PRKG1: variants seen among roughly 807,000 people sequenced by gnomAD.
PRKG1 encodes cGMP-dependent protein kinase 1.
A neutral mutation model predicts 88.1 loss-of-function variants in PRKG1; 35 were observed. The ratio of observed to expected loss-of-function variants is 0.40; its 90% CI spans 0.30 to 0.53. The LOEUF is 0.53. Ranked by LOEUF, PRKG1 falls within the 20% of genes least tolerant of loss-of-function variation. The probability of loss-of-function intolerance (pLI) is 0.59; values close to 1 mark genes in which losing one functional copy is unlikely to be tolerated. For synonymous variants in PRKG1, 303 were observed against 292.5 expected (o/e 1.04, Z -0.37); for missense variants, 540 against 839.8 (o/e 0.64, Z 4.41).
intron 8 of PRKG1, among the ~76,000 whole-genome samples, chr10:52,156,347 C>A (rs1018251197): frequency 4.6e-5 from 7 of 151,888 alleles, no homozygotes; most frequent in African/African-American, 1.7e-4. Context: ...TTACTTCTCA[C>A]GTTCGTATTA....
chr10:51,131,071 C>G (rs1845555214), intron 1 of PRKG1, among the ~76,000 whole-genome samples: 1 of 152,026 alleles, frequency 6.6e-6, no homozygotes, highest in South Asian at 2.1e-4. Context: ...ATAGTCAAAG[C>G]ATTTATTTCT....
intron 2 of PRKG1, among the ~76,000 whole-genome samples, chr10:51,207,724 C>T (rs566219985): frequency 1.2e-4 from 19 of 152,216 alleles, no homozygotes; most frequent in African/African-American, 4.6e-4. Context: ...AAGTGGAAGC[C>T]AATGGCAACT....
intron 3 of PRKG1, among the ~76,000 whole-genome samples, chr10:51,503,492 A>G (rs919736305): frequency 5.3e-5 from 8 of 152,170 alleles, no homozygotes; most frequent in Admixed American, 1.3e-4. Context: ...TCTTATTGCA[A>G]TGGAGCTGTA....
intron 3 of PRKG1, among the ~76,000 whole-genome samples, chr10:51,510,518 T>C (rs534086359): frequency 5.9e-4 from 90 of 152,286 alleles, no homozygotes; most frequent in African/African-American, 2.0e-3. Context: ...TTTTAAAGTA[T>C]AATTTTCTTG....
intron 3 of PRKG1, among the ~76,000 whole-genome samples, chr10:51,677,663 A>G (rs893107337): frequency 1.8e-4 from 28 of 152,336 alleles, no homozygotes; most frequent in African/African-American, 6.5e-4. Flanking sequence ...GCTTCTAGCT[A>G]TGATTAGAGT....
chr10:51,995,651 TA>T (rs1273349867), intron 5 of PRKG1, among the ~76,000 whole-genome samples: 1 of 152,178 alleles, frequency 6.6e-6, no homozygotes, highest in African/African-American at 2.4e-5. Context: ...TGCAGTGATG[TA>T]AAAACAGCAC....
At chr10:51,770,542 C>T (rs1485641786) in intron 3 of PRKG1, among the ~76,000 whole-genome samples, 1 of 152,186 alleles carries the variant, frequency 6.6e-6, no homozygotes, top group Non-Finnish European at 1.5e-5. Context: ...CTCTTAGGAA[C>T]CGGACTGCAC....
chr10:51,559,126 G>A (rs1048495375), intron 3 of PRKG1, among the ~76,000 whole-genome samples: 1 of 151,846 alleles, frequency 6.6e-6, no homozygotes, highest in Non-Finnish European at 1.5e-5. Flanking sequence ...TATATATATG[G>A]CTTGGTACTA....
chr10:51,410,270 A>ATG (rs71459418), intron 2 of PRKG1, among the ~76,000 whole-genome samples: 7,668 of 146,742 alleles, frequency 0.052, 465 homozygotes, highest in African/African-American at 0.14. Flanking sequence ...ATATATATAT[A>ATG]TGTGTGTGTG....
intron 2 of PRKG1, chr10:51,245,655 A>G (rs1242916552): frequency 6.6e-6 from 1 of 152,092 alleles, no homozygotes; most frequent in African/African-American, 2.4e-5. Context: ...TATAATCTTA[A>G]GCAGAATATA....
intron 6 of PRKG1, among the ~76,000 whole-genome samples, chr10:52,058,947 A>T (rs888440948): frequency 4.6e-5 from 7 of 151,872 alleles, no homozygotes; most frequent in African/African-American, 7.2e-5. Context: ...GATCCTATTT[A>T]AAAAAACACC....
At chr10:52,166,809 G>GTA (rs1329775053) in intron 9 of PRKG1, among the ~76,000 whole-genome samples, 44,895 of 68,804 alleles carry the variant, frequency 0.65, 13,219 homozygotes, top group Admixed American at 0.73. Context: ...ATATATATAT[G>GTA]TATATATATG....
chr10:51,886,465 C>T (rs564732532), intron 4 of PRKG1, among the ~76,000 whole-genome samples: 1 of 152,180 alleles, frequency 6.6e-6, no homozygotes, highest in Non-Finnish European at 1.5e-5. Flanking sequence ...CAGCAAATTC[C>T]CAGTACTTTT....
intron 1 of PRKG1, among the ~76,000 whole-genome samples, chr10:51,063,778 C>G (rs1429578807): frequency 6.6e-6 from 1 of 152,010 alleles, no homozygotes; most frequent in Non-Finnish European, 1.5e-5. Flanking sequence ...TGTTATTTAC[C>G]TGTTATTTTT....
intron 3 of PRKG1, among the ~76,000 whole-genome samples, chr10:51,515,200 A>C (rs181858778): frequency 6.6e-6 from 1 of 152,342 alleles, no homozygotes; most frequent in Admixed American, 6.5e-5. Context: ...GGTTACATTA[A>C]CAACCAAGAA....
chr10:51,144,268 A>G (rs1223904646), intron 1 of PRKG1, among the ~76,000 whole-genome samples: 1 of 152,156 alleles, frequency 6.6e-6, no homozygotes, highest in Non-Finnish European at 1.5e-5. Context: ...GGAATAATTT[A>G]TTCAAATTGT....
chr10:51,291,412 G>A (rs1022084686), intron 2 of PRKG1, among the ~76,000 whole-genome samples: 1 of 151,700 alleles, frequency 6.6e-6, no homozygotes, highest in African/African-American at 2.4e-5. Context: ...ATCTCATTAT[G>A]GTAACAAGAT....
At chr10:52,065,488 C>T (rs1283692274) in intron 7 of PRKG1, among the ~76,000 whole-genome samples, 1 of 151,104 alleles carries the variant, frequency 6.6e-6, no homozygotes, top group Non-Finnish European at 1.5e-5. Flanking sequence ...TTTTTTAAGC[C>T]ACAATCAGAT....
At chr10:51,448,633 G>A (rs1839344343) in intron 2 of PRKG1, among the ~76,000 whole-genome samples, 1 of 151,982 alleles carries the variant, frequency 6.6e-6, no homozygotes, top group African/African-American at 2.4e-5. Context: ...ATCTGTTTCT[G>A]TGCCATTATC....
Sources: allele counts gnomAD v4.1 joint callset (sites outside exome capture counted in the v4.1 genomes callset), GRCh38; gene constraint gnomAD v4.1.1; transcripts MANE v1.5; gene names NCBI Gene and HGNC (gene_info 2026-07-23, HGNC 2026-07-21).